The following GPC6 variants were observed in gnomAD, a reference collection of about 807,000 sequenced individuals.
GPC6 encodes glypican-6.
Under a neutral mutation model 55.2 loss-of-function variants are expected in GPC6, and 14 were observed. The observed-to-expected ratio is 0.25, with a 90% CI of 0.17 to 0.40. GPC6 has a LOEUF of 0.40. Among genes scored for constraint, GPC6 ranks in the 10% least tolerant of loss-of-function variants. The probability of loss-of-function intolerance (pLI) is 1.00; values close to 1 mark genes in which losing one functional copy is unlikely to be tolerated. For synonymous variants in GPC6, 278 were observed against 259.6 expected, an observed-to-expected ratio of 1.07 and a Z score of -0.68; for missense variants, 641 against 708.5, an observed-to-expected ratio of 0.90 and a Z score of 1.08.
intron 4 of GPC6, among the ~76,000 whole-genome samples, chr13:94,258,000 T>C (rs1891553969): frequency 8.5e-5 from 13 of 152,210 alleles, no homozygotes; most frequent in Admixed American, 8.5e-4. Context: ...AGTTGGGTTA[T>C]TGCAAAGAAT....
intron 3 of GPC6, among the ~76,000 whole-genome samples, chr13:93,964,219 T>C (rs1430378032): frequency 6.6e-6 from 1 of 152,190 alleles, no homozygotes; most frequent in Non-Finnish European, 1.5e-5. Context: ...CTGTGAATGT[T>C]AGATTGATAA....
chr13:94,208,753 CAAAAAAAAAAA>C (rs762261930), intron 4 of GPC6, among the ~76,000 whole-genome samples: 6 of 36,228 alleles, frequency 1.7e-4, no homozygotes, highest in African/African-American at 4.5e-4. Flanking sequence ...TCCCATCTCC[CAAAAAAAAAAA>C]AAAAAAAAAA....
At chr13:93,575,114 C>T (rs149589295) in intron 2 of GPC6, among the ~76,000 whole-genome samples, 3 of 151,984 alleles carry the variant, frequency 2.0e-5, no homozygotes, top group Non-Finnish European at 2.9e-5. Flanking sequence ...GGCAACACGG[C>T]GAAACCCTGT....
intron 1 of GPC6, among the ~76,000 whole-genome samples, chr13:93,393,127 T>TATATATATATATATATATAGAG (rs1230857277): frequency 2.3e-5 from 2 of 87,624 alleles, no homozygotes; most frequent in South Asian, 3.9e-4. Flanking sequence ...TATATATATA[T>TATATATATATATATATATAGAG]AGAGAGAGAG....
intron 1 of GPC6, among the ~76,000 whole-genome samples, chr13:93,380,359 G>A (rs982357687): frequency 8.6e-5 from 13 of 152,004 alleles, no homozygotes; most frequent in East Asian, 3.8e-4. Flanking sequence ...GATAAATTCC[G>A]AATAGACTGA....
intron 3 of GPC6, among the ~76,000 whole-genome samples, chr13:93,977,145 A>G (rs963385265): frequency 3.9e-5 from 6 of 152,080 alleles, no homozygotes; most frequent in African/African-American, 1.4e-4. Context: ...TGTTTTCATT[A>G]TTCAGTTTTT....
intron 3 of GPC6, among the ~76,000 whole-genome samples, chr13:94,021,612 G>T (rs1353689481): frequency 1.3e-5 from 2 of 151,344 alleles, no homozygotes; most frequent in Non-Finnish European, 2.9e-5. Context: ...TCAATGTGTT[G>T]CACTTTAGCC....
intron 6 of GPC6, among the ~76,000 whole-genome samples, chr13:94,332,739 G>A (rs958167471): frequency 2.6e-5 from 4 of 152,178 alleles, no homozygotes; most frequent in African/African-American, 9.7e-5. Flanking sequence ...TAATGTTCTG[G>A]AATTTTTTAT....
intron 2 of GPC6, among the ~76,000 whole-genome samples, chr13:93,638,616 T>A (rs74905317): frequency 0.017 from 2,565 of 152,236 alleles, 63 homozygotes; most frequent in African/African-American, 0.057. Context: ...GATCCTTTTA[T>A]TGCCATCTGT....
intron 1 of GPC6, among the ~76,000 whole-genome samples, chr13:93,303,116 TTC>T (rs1240974804): frequency 2.0e-5 from 3 of 152,200 alleles, no homozygotes; most frequent in Non-Finnish European, 2.9e-5. Flanking sequence ...GACTTCCACA[TTC>T]TGTCTATAAA....
At chr13:94,167,373 T>C (rs763145183) in intron 4 of GPC6, among the ~76,000 whole-genome samples, 4 of 152,190 alleles carry the variant, frequency 2.6e-5, no homozygotes, top group Non-Finnish European at 5.9e-5. Context: ...TTATTTTAGC[T>C]AAATGATTAA....
intron 3 of GPC6, 70 bp from the exon 4 acceptor site, chr13:94,027,659 T>G: frequency 1.5e-6 from 2 of 1,349,426 alleles, no homozygotes; most frequent in Non-Finnish European, 2.1e-6. Context: ...ATCACTGCTA[T>G]TTTGTCTTTT....
At chr13:93,696,790 T>C (rs899673666) in intron 2 of GPC6, among the ~76,000 whole-genome samples, 1 of 151,934 alleles carries the variant, frequency 6.6e-6, no homozygotes, top group Admixed American at 6.6e-5. Flanking sequence ...GCCCAGCTAC[T>C]TTTTGTATTT....
intron 2 of GPC6, among the ~76,000 whole-genome samples, chr13:93,564,741 T>A (rs571328891): frequency 3.4e-4 from 52 of 152,314 alleles, no homozygotes; most frequent in Admixed American, 2.9e-3. Flanking sequence ...TCTTGTTAAG[T>A]ATATTTTGTA....
chr13:94,392,415 ATTTTTTTTTTTT>A lies in GPC6; in HGVS notation c.1290-6033_1290-6022del, dbSNP rs59173357. ...GGATCATATGGTAATTCTATTTTTA[ATTTTTTTTTTTT>A]TTTTTTTTTTTTTTTTTGGAGATGG... On this transcript the variant is annotated intron_variant, in intron 7 of 8. Coordinates refer to ENST00000377047, the MANE Select transcript of GPC6 (RefSeq NM_005708.5). Among the ~76,000 whole-genome samples, 774 of 105,624 alleles carry A rather than the reference ATTTTTTTTTTTT, an allele frequency of 7.3e-3. 8 individuals carry two copies. Among genetic ancestry groups the A allele is most frequent in the South Asian group, 0.019 (62 of 3,260 alleles). 69.3% of individuals were successfully genotyped at this position (105,624 alleles called of 152,430 possible).
intron 2 of GPC6, among the ~76,000 whole-genome samples, chr13:93,782,615 C>T (rs1885688435): frequency 6.6e-6 from 1 of 152,050 alleles, no homozygotes; most frequent in Admixed American, 6.6e-5. Flanking sequence ...GATTTGATAA[C>T]AGTCATCGTA....
At chr13:93,994,464 A>T (rs990499218) in intron 3 of GPC6, among the ~76,000 whole-genome samples, 1 of 152,184 alleles carries the variant, frequency 6.6e-6, no homozygotes. Context: ...TTTTGCCCTA[A>T]TAGTTCAATT....
At chr13:94,292,685 A>T (rs746235304) in intron 5 of GPC6, among the ~76,000 whole-genome samples, 4 of 152,116 alleles carry the variant, frequency 2.6e-5, no homozygotes, top group African/African-American at 7.2e-5. Flanking sequence ...TTCAGATGGG[A>T]TATCTCTTTC....
chr13:94,316,523 C>G (rs990373807), intron 6 of GPC6, among the ~76,000 whole-genome samples: 5 of 151,830 alleles, frequency 3.3e-5, no homozygotes, highest in African/African-American at 1.2e-4. Flanking sequence ...CGAGACCATC[C>G]CGGCTAAAAC....
Sources: allele counts gnomAD v4.1 joint callset (sites outside exome capture counted in the v4.1 genomes callset), GRCh38; gene constraint gnomAD v4.1.1; transcripts MANE v1.5; gene names NCBI Gene and HGNC (gene_info 2026-07-23, HGNC 2026-07-21).